Variants in FOXN3 observed in about 807,000 individuals in gnomAD.
FOXN3 encodes the protein forkhead box protein N3.
In FOXN3, 7 loss-of-function variants were observed where a neutral mutation model predicts 38.4. The observed-to-expected ratio is 0.18, with a 90% CI of 0.10 to 0.34. The LOEUF (loss-of-function observed/expected upper bound fraction) is 0.34. Among genes scored for constraint, FOXN3 ranks in the 10% least tolerant of loss-of-function variants. FOXN3 has a pLI of 1.00. For synonymous variants in FOXN3, 230 were observed against 242.2 expected (o/e 0.95, Z 0.47); for missense variants, 456 against 613.4 (o/e 0.74, Z 2.71).
chr14:89,208,928 A>G (rs1194114997), intron 4 of FOXN3, among the ~76,000 whole-genome samples: 1 of 152,198 alleles, frequency 6.6e-6, no homozygotes, highest in Non-Finnish European at 1.5e-5. Context: ...TGCCTTCCAG[A>G]GAAACACAGA....
chr14:89,469,450 T>G (rs1388320772), intron 1 of FOXN3, among the ~76,000 whole-genome samples: 1 of 152,254 alleles, frequency 6.6e-6, no homozygotes. Context: ...AAGGAAAGCC[T>G]TGTCTCCACA....
intron 1 of FOXN3, among the ~76,000 whole-genome samples, chr14:89,555,938 A>G (rs1057388862): frequency 1.3e-5 from 2 of 150,390 alleles, no homozygotes; most frequent in African/African-American, 4.9e-5. Context: ...GTACTACATC[A>G]AAATGCCTCT....
At position 89,433,601 on chromosome 14, in the gene FOXN3, G is replaced by A. The variant is rs184532152; in HGVS notation, c.-14-21111C>T. ...AGGCAGATCACGAGGTCAGGAGTTC[G>A]TGACCAGCCTGGCCAACACGATGAA... On this transcript the variant is annotated intron_variant, in intron 1 of 6. Coordinates refer to the FOXN3 transcript ENST00000345097. Among the ~76,000 whole-genome samples the A allele has an allele frequency of 2.0e-3, 300 of 152,162 alleles. 2 individuals are homozygous for A. Among genetic ancestry groups the A allele is most frequent in the African/African-American group, 6.9e-3 (287 of 41,540 alleles).
At chr14:89,387,093 C>T (rs1890810250) in intron 2 of FOXN3, among the ~76,000 whole-genome samples, 1 of 152,142 alleles carries the variant, frequency 6.6e-6, no homozygotes, top group Non-Finnish European at 1.5e-5. Flanking sequence ...CCCATCTCTA[C>T]TAAAAATACA....
intron 2 of FOXN3, 117 bp from the exon 3 acceptor site, chr14:89,350,925 G>T: frequency 1.4e-6 from 1 of 732,422 alleles, no homozygotes; most frequent in Non-Finnish European, 2.0e-6. Flanking sequence ...TTTGTTGACT[G>T]TTTGCCAGCC....
At chr14:89,325,356 C>CCACT (rs1555418115) in intron 3 of FOXN3, among the ~76,000 whole-genome samples, 1 of 91,794 alleles carries the variant, frequency 1.1e-5, no homozygotes. Context: ...CCACCACCAC[C>CCACT]ACCACTACCA....
At chr14:89,460,451 A>G (rs1892821356) in intron 1 of FOXN3, among the ~76,000 whole-genome samples, 1 of 152,224 alleles carries the variant, frequency 6.6e-6, no homozygotes, top group Admixed American at 6.5e-5. Flanking sequence ...ACAGACACTT[A>G]GCAGAGAAAC....
At chr14:89,336,445 C>T (rs1397812747) in intron 3 of FOXN3, among the ~76,000 whole-genome samples, 1 of 152,172 alleles carries the variant, frequency 6.6e-6, no homozygotes, top group Non-Finnish European at 1.5e-5. Flanking sequence ...GTCATTCTTC[C>T]TTTCCAAAGC....
chr14:89,541,549 TC>T (rs1164541517), intron 1 of FOXN3, among the ~76,000 whole-genome samples: 2 of 151,868 alleles, frequency 1.3e-5, no homozygotes, highest in Admixed American at 6.6e-5. Context: ...GCATGAATAA[TC>T]CCCCCCTTGT....
At chr14:89,486,981 CT>C (rs1315796233) in intron 1 of FOXN3, among the ~76,000 whole-genome samples, 1 of 152,136 alleles carries the variant, frequency 6.6e-6, no homozygotes, top group Non-Finnish European at 1.5e-5. Flanking sequence ...ATTTTATGTA[CT>C]ACAGCTGCTA....
At chr14:89,472,594 G>T (rs368989228) in intron 1 of FOXN3, among the ~76,000 whole-genome samples, 1 of 151,714 alleles carries the variant, frequency 6.6e-6, no homozygotes, top group Non-Finnish European at 1.5e-5. Context: ...GGTGGCGGAC[G>T]CCTGCAGTCC....
At chr14:89,190,964 G>A (rs1028733728) in intron 4 of FOXN3, among the ~76,000 whole-genome samples, 3 of 152,038 alleles carry the variant, frequency 2.0e-5, no homozygotes, top group Non-Finnish European at 4.4e-5. Flanking sequence ...TGTAACAGTG[G>A]TGTGGATGTG....
intron 1 of FOXN3, among the ~76,000 whole-genome samples, chr14:89,578,429 G>A (rs10142985): frequency 0.063 from 9,590 of 151,964 alleles, 959 homozygotes; most frequent in African/African-American, 0.22. Flanking sequence ...TACAGACACC[G>A]CGTACATGCT....
At chr14:89,426,377 C>G (rs1458484232) in intron 1 of FOXN3, among the ~76,000 whole-genome samples, 3 of 129,958 alleles carry the variant, frequency 2.3e-5, no homozygotes, top group Non-Finnish European at 3.4e-5. Flanking sequence ...AGGCGCCCAC[C>G]ATCACGCCCA....
At chr14:89,581,794 G>A (rs559457675) in intron 1 of FOXN3, among the ~76,000 whole-genome samples, 2 of 152,098 alleles carry the variant, frequency 1.3e-5, no homozygotes, top group Non-Finnish European at 2.9e-5. Context: ...TAGCAGCCCC[G>A]CACAATCCCC....
intron 4 of FOXN3, among the ~76,000 whole-genome samples, chr14:89,220,518 C>T (rs1282417538): frequency 1.3e-5 from 2 of 152,162 alleles, no homozygotes; most frequent in Non-Finnish European, 2.9e-5. Flanking sequence ...CTGATTTTTC[C>T]TGGCTGCAAA....
intron 1 of FOXN3, among the ~76,000 whole-genome samples, chr14:89,447,150 C>T (rs1195042036): frequency 1.3e-5 from 2 of 150,834 alleles, no homozygotes; most frequent in East Asian, 1.9e-4. Flanking sequence ...GAGCCGAGAT[C>T]GCGCCATTGC....
chr14:89,490,918 G>A (rs1225099873), intron 1 of FOXN3, among the ~76,000 whole-genome samples: 2 of 152,140 alleles, frequency 1.3e-5, no homozygotes, highest in African/African-American at 2.4e-5. Context: ...AAGTACATAC[G>A]TCATGGCCCT....
chr14:89,390,918 G>A (rs1323332841), intron 2 of FOXN3, among the ~76,000 whole-genome samples: 3 of 152,324 alleles, frequency 2.0e-5, no homozygotes, highest in East Asian at 3.9e-4. Flanking sequence ...GTCACTGAGA[G>A]AAGCCCAAAG....
Sources: gnomAD v4.1 joint callset for allele counts (sites outside exome capture counted in the v4.1 genomes callset) on GRCh38, gnomAD v4.1.1 for gene constraint, MANE v1.5 for transcripts, NCBI Gene and HGNC (gene_info 2026-07-23, HGNC 2026-07-21) for gene names.